Variants in SENP2 observed in about 807,000 individuals in gnomAD.
SENP2 encodes sentrin-specific protease 2.
SENP2 carries 16 observed loss-of-function variants against 86.3 expected under a neutral mutation model. The ratio of observed to expected loss-of-function variants is 0.19; its 90% CI spans 0.13 to 0.28. The LOEUF (loss-of-function observed/expected upper bound fraction) is 0.28. Ranked by LOEUF, SENP2 falls within the 10% of genes least tolerant of loss-of-function variation. The pLI is 1.00. For missense variants in SENP2, 552 were observed against 703.0 expected, an observed-to-expected ratio of 0.79 and a Z score of 2.43; for synonymous variants, 222 against 238.7, an observed-to-expected ratio of 0.93 and a Z score of 0.64.
chr3:185,606,308 T>C (rs1206624521), intron 5 of SENP2, 22 bp from the exon 6 acceptor site: 2 of 1,570,538 alleles, frequency 1.3e-6, no homozygotes, highest in Admixed American at 2.0e-5. Context: ...ATACTTTTTT[T>C]CTTTTTTTTT....
chr3:185,590,821 A>G (rs1293517882), intron 2 of SENP2, among the ~76,000 whole-genome samples: 4 of 112,658 alleles, frequency 3.6e-5, no homozygotes, highest in African/African-American at 1.1e-4. Context: ...AGAATCTGCT[A>G]CTGCACTCTG....
chr3:185,614,597 G>A lies in SENP2; in HGVS notation c.967G>A (p.Glu323Lys). ...ATACCAACTGGAGCCTGACCTATCA[G>A]AAGAAGTGTCGGCCCGACTCCGCCT... is the stretch of plus-strand genomic sequence containing the variant. ...RGYQLEPDLS[E>K]EVSARLRLGS... The change falls in exon 11 of 17, where the codon GAA (glutamate) becomes AAA (lysine). Residue 323 changes from glutamate (E) to lysine (K), a missense_variant. Glu to Lys is a moderately conservative substitution (Grantham distance 56). This residue lies in a region of SENP2 where 383 missense variants were observed against 427.3 expected (regional missense o/e 0.90). Transcript: ENST00000296257. 1 of 1,614,124 alleles carries A rather than the reference G, an allele frequency of 6.2e-7. No homozygotes were observed.
intron 1 of SENP2, among the ~76,000 whole-genome samples, chr3:185,587,908 T>C (rs1721847857): frequency 6.8e-6 from 1 of 146,342 alleles, no homozygotes; most frequent in South Asian, 2.2e-4. Context: ...CTTATATTTT[T>C]TGTATTTTTT....
Position 185,586,660 on chromosome 3 carries a change from A to G in SENP2, c.101+146A>G, listed in dbSNP as rs116789360. ...GACGTAGTCGCTCCCGCCAGGCTGT[A>G]GGGAGGCAGCTCCTGATGAAGGAGG... On this transcript the variant is annotated intron_variant, in intron 1 of 16. Transcript: ENST00000296257. The surrounding 1 kb of genome is among the most constrained non-coding windows in gnomAD (Gnocchi z 4.3). The G allele has an allele frequency of 1.4e-3, 1,022 of 715,772 alleles. 7 individuals carry two copies. The African/African-American group carries it at 0.016, about 11-fold the overall frequency. 44.3% of individuals were successfully genotyped at this position (715,772 alleles called of 1,614,324 possible).
intron 7 of SENP2, 57 bp from the exon 8 acceptor site, chr3:185,611,594 T>C: frequency 9.2e-7 from 1 of 1,087,246 alleles, no homozygotes; most frequent in Admixed American, 1.8e-5. Context: ...AGATAATGCA[T>C]ATTAATGGTA....
chr3:185,608,834 A>G (rs1391383426), intron 6 of SENP2, among the ~76,000 whole-genome samples: 1 of 152,198 alleles, frequency 6.6e-6, no homozygotes, highest in Non-Finnish European at 1.5e-5. Flanking sequence ...TGTCTATTAA[A>G]TGTAGCCATA....
chr3:185,614,110 C>T (rs770513398), intron 10 of SENP2, among the ~76,000 whole-genome samples: 1 of 152,022 alleles, frequency 6.6e-6, no homozygotes, highest in Non-Finnish European at 1.5e-5. Context: ...TTAAGTGGTA[C>T]ATTAATGTTT....
chr3:185,607,812 C>T, intron 6 of SENP2, among the ~76,000 whole-genome samples: 1 of 152,300 alleles, frequency 6.6e-6, no homozygotes, highest in South Asian at 2.1e-4. Flanking sequence ...AGGCGTGAGC[C>T]ACCGCGTCCA....
chr3:185,598,748 T>G (rs1235100247), intron 3 of SENP2, among the ~76,000 whole-genome samples: 2 of 152,184 alleles, frequency 1.3e-5, no homozygotes, highest in Non-Finnish European at 2.9e-5. Context: ...AGCTAAATAT[T>G]ATTACATATG....
rs530539296 is a variant in SENP2 at position 185,613,425 on chromosome 3, G to C, written c.933+17G>C. On this transcript the variant is annotated intron_variant, in intron 10 of 16. Transcript: ENST00000296257. Reference sequence around the variant, plus strand: ...AATGAAAGTGTAAGTAAAAATCCTAGTTACATTTGATACCTGTTTACTTAT... The same window carrying C: ...AATGAAAGTGTAAGTAAAAATCCTACTTACATTTGATACCTGTTTACTTAT... The C allele has an allele frequency of 2.0e-6, 3 of 1,504,808 alleles. No homozygotes were observed. In the South Asian group the frequency reaches 3.5e-5, roughly 17 times the overall value. The allele number at this position is 1,504,808 out of a possible 1,614,324, so 93.2% of individuals were successfully genotyped here.
At chr3:185,592,011 C>CTTCTTTTTTTT (rs1722018616) in intron 2 of SENP2, among the ~76,000 whole-genome samples, 1 of 65,804 alleles carries the variant, frequency 1.5e-5, no homozygotes, top group East Asian at 5.1e-4. Context: ...GGTAATATTT[C>CTTCTTTTTTTT]TTTTTTTTTT....
At chr3:185,615,934 C>T (rs562605980) in intron 11 of SENP2, among the ~76,000 whole-genome samples, 23 of 152,072 alleles carry the variant, frequency 1.5e-4, no homozygotes, top group African/African-American at 5.3e-4. Context: ...ACAATCTCAG[C>T]TTACTGCAAC....
chr3:185,604,121 A>C (rs1193055411), intron 5 of SENP2, among the ~76,000 whole-genome samples: 1 of 152,216 alleles, frequency 6.6e-6, no homozygotes, highest in Admixed American at 6.5e-5. Context: ...ACACCGTCTC[A>C]AAAAAATAAA....
At chr3:185,590,211 GA>G in intron 2 of SENP2, 42 bp downstream of exon 2, 3 of 1,082,078 alleles carry the variant, frequency 2.8e-6, no homozygotes, top group Admixed American at 2.4e-5. Context: ...TTTTAAATAG[GA>G]AAAATATATG....
At chr3:185,611,855 T>A in intron 8 of SENP2, 110 bp downstream of exon 8, 1 of 801,438 alleles carries the variant, frequency 1.2e-6, no homozygotes, top group Non-Finnish European at 2.0e-6. Context: ...ACCAAAATAC[T>A]GTCAAATCTC....
chr3:185,606,535 T>G (rs776295006), intron 6 of SENP2, 37 bp downstream of exon 6: 2 of 1,511,960 alleles, frequency 1.3e-6, no homozygotes, highest in South Asian at 1.3e-5. Context: ...AAAAAAAATT[T>G]TACAGCTCTT....
intron 7 of SENP2, among the ~76,000 whole-genome samples, chr3:185,610,350 T>C (rs1272453246): frequency 6.6e-6 from 1 of 151,870 alleles, no homozygotes; most frequent in Non-Finnish European, 1.5e-5. Flanking sequence ...TTGGTAGAGA[T>C]GGGGCTTCAC....
chr3:185,598,586 T>C, intron 3 of SENP2, 41 bp downstream of exon 3: 1 of 1,560,378 alleles, frequency 6.4e-7, no homozygotes. Context: ...CTGATCTTTA[T>C]ACTTAATCAT....
chr3:185,619,877 T>A (rs1283905118), intron 13 of SENP2, among the ~76,000 whole-genome samples: 3 of 151,788 alleles, frequency 2.0e-5, no homozygotes, highest in Non-Finnish European at 4.4e-5. Flanking sequence ...ACAGGCATGG[T>A]CCACCATGCT....
Sources: allele counts gnomAD v4.1 joint callset (sites outside exome capture counted in the v4.1 genomes callset), GRCh38; gene constraint gnomAD v4.1.1; regional missense constraint gnomAD v4.1.1; non-coding constraint Gnocchi (gnomAD v3.1); transcripts MANE v1.5; gene names NCBI Gene and HGNC (gene_info 2026-07-23, HGNC 2026-07-21).